TNRC6B: variants seen among roughly 807,000 people sequenced by gnomAD.
The protein encoded by TNRC6B is trinucleotide repeat-containing gene 6B protein.
A neutral mutation model predicts 203.6 loss-of-function variants in TNRC6B; 52 were observed. That is an observed-to-expected ratio of 0.26 (90% confidence interval 0.20 to 0.32). The LOEUF (loss-of-function observed/expected upper bound fraction) is 0.32, where lower values mean the gene tolerates loss of function less well. Among genes scored for constraint, TNRC6B ranks in the 10% least tolerant of loss-of-function variants. The probability of loss-of-function intolerance (pLI) is 1.00; values close to 1 mark genes in which losing one functional copy is unlikely to be tolerated. For synonymous variants in TNRC6B, 838 were observed against 845.7 expected, an observed-to-expected ratio of 0.99 and a Z score of 0.16; for missense variants, 1,923 against 2,286.2, an observed-to-expected ratio of 0.84 and a Z score of 3.24.
In TNRC6B at chr22:40,232,383, T is replaced by C. The variant is rs568776871; in HGVS notation, c.6-13632T>C. Among the ~76,000 whole-genome samples the C allele has an allele frequency of 3.9e-5, 6 of 152,238 alleles. No individual in the cohort carries two copies. The East Asian group carries it at 1.2e-3, about 29-fold the overall frequency. On this transcript the variant is annotated intron_variant, in intron 1 of 22. Coordinates refer to ENST00000454349, the MANE Select transcript of TNRC6B (RefSeq NM_001162501.2). ...GTGGAATGTGTGAAGGAACTAAAAG[T>C]GTTTCAGGGATGCATCATGGATAAC...
chr22:40,129,043 G>C (rs1425226990), intron 3 of TNRC6B, among the ~76,000 whole-genome samples: 1 of 152,170 alleles, frequency 6.6e-6, no homozygotes, highest in Non-Finnish European at 1.5e-5. Context: ...AGGTCTCTCT[G>C]AGACGGGGAC....
intron 2 of TNRC6B, among the ~76,000 whole-genome samples, chr22:40,249,894 A>AT (rs1405034762): frequency 1.3e-5 from 2 of 152,216 alleles, no homozygotes; most frequent in East Asian, 3.8e-4. Context: ...TTAGCTTGTC[A>AT]TTTAACACAG....
At chr22:40,095,698 G>A (rs145173356) in intron 1 of TNRC6B, among the ~76,000 whole-genome samples, 56 of 150,164 alleles carry the variant, frequency 3.7e-4, no homozygotes, top group Middle Eastern at 3.4e-3. Flanking sequence ...CCATCTAGTA[G>A]GCAATTATCA....
At chr22:40,286,370 GGT>G (rs1483960075) in intron 12 of TNRC6B, among the ~76,000 whole-genome samples, 1 of 152,132 alleles carries the variant, frequency 6.6e-6, no homozygotes, top group Admixed American at 6.6e-5. Flanking sequence ...AGCTGGGCAT[GGT>G]GGCACATGCC....
At chr22:40,059,663 G>A (rs779934315) in intron 1 of TNRC6B, among the ~76,000 whole-genome samples, 4 of 152,096 alleles carry the variant, frequency 2.6e-5, no homozygotes, top group Non-Finnish European at 5.9e-5. Flanking sequence ...ATCAGGAATG[G>A]AGATTGTTTC....
rs139456731 is a variant in TNRC6B at position 40,313,905 on chromosome 22, C to T, written c.4678+908C>T. 4.0e-3 allele frequency among the ~76,000 whole-genome samples: 613 copies of T among 152,306 alleles called. 5 individuals carry two copies. Among genetic ancestry groups the T allele is most frequent in the African/African-American group, 0.013 (554 of 41,560 alleles). On this transcript the variant is annotated intron_variant, in intron 19 of 22. Transcript: ENST00000454349. Reference sequence around the variant, plus strand: ...TACCCCTATTTTGTGGATAAAGAAACTAAGTGAGGTTCTGAGAGCAGATAT... The same window carrying T: ...TACCCCTATTTTGTGGATAAAGAAATTAAGTGAGGTTCTGAGAGCAGATAT...
chr22:40,273,652 A>G, intron 7 of TNRC6B, 52 bp downstream of exon 7: 1 of 1,486,154 alleles, frequency 6.7e-7, no homozygotes, highest in Non-Finnish European at 9.0e-7. Flanking sequence ...AGAAGGCAGA[A>G]CTGAGGTTTT....
intron 1 of TNRC6B, among the ~76,000 whole-genome samples, chr22:40,237,601 C>G (rs1023890413): frequency 6.6e-6 from 1 of 152,008 alleles, no homozygotes; most frequent in African/African-American, 2.4e-5. Flanking sequence ...GGCTTGCTGC[C>G]GAGAGAAGGA....
rs5845457 is a variant in TNRC6B, at chr22:40,295,474, C to CA, written c.3709-4964dup. ...GGGCAACAGAGTGAGACTCCATTTCCAAAAAAAAAAAAAAAAAGAAAGAAA... is the reference window on the plus strand; with the variant it reads ...GGGCAACAGAGTGAGACTCCATTTCCAAAAAAAAAAAAAAAAAAGAAAGAAA... On this transcript the variant is annotated intron_variant, in intron 12 of 22. Transcript: ENST00000454349. 2.7e-3 allele frequency among the ~76,000 whole-genome samples: 266 copies of CA among 98,794 alleles called. 1 individual carries two copies. Among genetic ancestry groups the CA allele is most frequent in the African/African-American group, 3.6e-3 (80 of 22,326 alleles). The allele number at this position is 98,794 out of a possible 152,430, so 64.8% of individuals were successfully genotyped here.
At chr22:40,312,362 T>A (rs1000550449) in intron 17 of TNRC6B, 143 bp from the exon 18 acceptor site, 3 of 904,198 alleles carry the variant, frequency 3.3e-6, no homozygotes, top group Non-Finnish European at 4.8e-6. Context: ...GATTTTTTTT[T>A]CCTTAATTTT....
At chr22:40,170,928 C>A (rs1308904503) in intron 4 of TNRC6B, among the ~76,000 whole-genome samples, 1 of 140,400 alleles carries the variant, frequency 7.1e-6, no homozygotes, top group African/African-American at 2.6e-5. Context: ...TGTATATATA[C>A]ACCCATATAT....
In TNRC6B at chr22:40,199,789, TTTG is replaced by T. The variant is rs568030841; in HGVS notation, c.5+21661_5+21663del. On this transcript the variant is annotated intron_variant, in intron 1 of 22. Transcript: ENST00000454349. ...GGTTATGTAGGACTGTGGTTTGGTT[TTTG>T]TTGTTGTTGTTTTTCTTTTGAGACA... Among the ~76,000 whole-genome samples the T allele has an allele frequency of 7.2e-5, 11 of 152,114 alleles. No homozygotes were observed. The East Asian group carries it at 1.7e-3, about 24-fold the overall frequency.
intron 1 of TNRC6B, among the ~76,000 whole-genome samples, chr22:40,094,071 G>A (rs971733608): frequency 6.6e-6 from 1 of 151,922 alleles, no homozygotes; most frequent in African/African-American, 2.4e-5. Context: ...CCACGTAAAT[G>A]TATACAACTA....
At chr22:40,278,428 C>T (rs550194085) in intron 9 of TNRC6B, among the ~76,000 whole-genome samples, 4 of 151,964 alleles carry the variant, frequency 2.6e-5, no homozygotes, top group Admixed American at 6.5e-5. Flanking sequence ...CATGGTGTGG[C>T]GCACCTGTAG....
chr22:40,054,877 A>AT (rs2067780230), intron 1 of TNRC6B, among the ~76,000 whole-genome samples: 1 of 151,824 alleles, frequency 6.6e-6, no homozygotes, highest in African/African-American at 2.4e-5. Flanking sequence ...TCTCTACAAA[A>AT]AAAAAAAAAA....
intron 4 of TNRC6B, 107 bp downstream of exon 4, chr22:40,262,280 T>C (rs2070398773): frequency 9.6e-7 from 1 of 1,037,330 alleles, no homozygotes; most frequent in Non-Finnish European, 1.3e-6. Context: ...TATAAACCAC[T>C]GGGATTAGTC....
rs559658550 is a variant in TNRC6B at position 40,329,319 on chromosome 22, A to T, written c.*6078A>T. ...TTGTCATTCTGTAAGAAAACAGAAT[A>T]TTATCTAGATTTCCAGAGTTAGTGC... On this transcript the variant is annotated 3_prime_UTR_variant, in exon 23 of 23. Coordinates refer to ENST00000454349, the MANE Select transcript of TNRC6B (RefSeq NM_001162501.2). The T allele has an allele frequency of 1.3e-5, 2 of 152,230 alleles. No individual in the cohort carries two copies. The highest frequency in any genetic ancestry group is 4.1e-4 in the South Asian group (2 of 4,836). 9.4% of individuals were successfully genotyped at this position (152,230 alleles called of 1,614,324 possible). A position where few individuals can be genotyped will look rare whatever the true frequency, so the allele number is the denominator to read the frequency against.
At chr22:40,112,464 G>A (rs1322736094) in intron 1 of TNRC6B, among the ~76,000 whole-genome samples, 3 of 152,094 alleles carry the variant, frequency 2.0e-5, no homozygotes, top group African/African-American at 7.2e-5. Flanking sequence ...ATGATAAGAA[G>A]GCTGGTTGCA....
intron 5 of TNRC6B, among the ~76,000 whole-genome samples, chr22:40,268,659 C>A (rs916143139): frequency 5.9e-5 from 9 of 152,172 alleles, no homozygotes; most frequent in African/African-American, 1.9e-4. Context: ...CGCCTGTAAT[C>A]CCAGCACTTT....
Sources: allele counts gnomAD v4.1 joint callset (sites outside exome capture counted in the v4.1 genomes callset), GRCh38; gene constraint gnomAD v4.1.1; transcripts MANE v1.5; gene names NCBI Gene and HGNC (gene_info 2026-07-23, HGNC 2026-07-21).